Variants in NKAIN2 observed in about 807,000 individuals in gnomAD.
NKAIN2 encodes sodium/potassium transporting ATPase interacting 2, also known as sodium/potassium-transporting ATPase subunit beta-1-interacting protein 2.
A neutral mutation model predicts 32.6 loss-of-function variants in NKAIN2; 14 were observed. The observed-to-expected ratio is 0.43, with a 90% CI of 0.28 to 0.67. The LOEUF (loss-of-function observed/expected upper bound fraction) is 0.67, where lower values mean the gene tolerates loss of function less well. Among genes scored for constraint, NKAIN2 ranks in the 30% least tolerant of loss-of-function variants. NKAIN2 has a pLI of 0.17. For missense variants in NKAIN2, 198 were observed against 258.3 expected, an observed-to-expected ratio of 0.77 and a Z score of 1.60; for synonymous variants, 80 against 87.2, an observed-to-expected ratio of 0.92 and a Z score of 0.46.
At chr6:124,594,978 G>C (rs372234670) in intron 3 of NKAIN2, among the ~76,000 whole-genome samples, 1 of 152,324 alleles carries the variant, frequency 6.6e-6, no homozygotes, top group East Asian at 1.9e-4. Flanking sequence ...AGGGCTCAGT[G>C]AAGTGGGAGT....
chr6:124,481,040 A>G (rs1777425771), intron 3 of NKAIN2, among the ~76,000 whole-genome samples: 2 of 152,156 alleles, frequency 1.3e-5, no homozygotes, highest in Non-Finnish European at 1.5e-5. Flanking sequence ...TCAGATTCCT[A>G]AATTTCATGC....
chr6:124,343,495 G>A (rs1583082278), intron 2 of NKAIN2, among the ~76,000 whole-genome samples: 2 of 151,782 alleles, frequency 1.3e-5, no homozygotes, highest in African/African-American at 2.4e-5. Context: ...AGCACCTGTT[G>A]TTTCCTGACT....
At chr6:124,305,692 A>G (rs1423883524) in intron 2 of NKAIN2, among the ~76,000 whole-genome samples, 1 of 152,132 alleles carries the variant, frequency 6.6e-6, no homozygotes, top group Non-Finnish European at 1.5e-5. Context: ...GCTGATCTTG[A>G]TACTTCATTT....
intron 1 of NKAIN2, among the ~76,000 whole-genome samples, chr6:124,037,751 C>T (rs777553376): frequency 1.7e-4 from 26 of 152,062 alleles, no homozygotes; most frequent in Non-Finnish European, 3.7e-4. Flanking sequence ...TATCTGAAGG[C>T]TACAATAGCT....
At chr6:124,211,780 C>A (rs1054039021) in intron 1 of NKAIN2, among the ~76,000 whole-genome samples, 5 of 151,934 alleles carry the variant, frequency 3.3e-5, no homozygotes, top group Non-Finnish European at 7.4e-5. Context: ...ATTTTTTTGT[C>A]TGTACAGTGA....
intron 3 of NKAIN2, among the ~76,000 whole-genome samples, chr6:124,584,655 G>GAAAA (rs34014858): frequency 1.1e-5 from 1 of 87,218 alleles, no homozygotes; most frequent in Non-Finnish European, 2.3e-5. Flanking sequence ...CTCCATCTCA[G>GAAAA]AAAAAAAAAA....
At chr6:124,292,108 A>G (rs1038537973) in intron 2 of NKAIN2, among the ~76,000 whole-genome samples, 1 of 152,082 alleles carries the variant, frequency 6.6e-6, no homozygotes, top group Non-Finnish European at 1.5e-5. Context: ...ATTTATGAAA[A>G]ATCTCCTTGT....
chr6:124,027,104 C>T (rs767657810), intron 1 of NKAIN2, among the ~76,000 whole-genome samples: 10 of 151,228 alleles, frequency 6.6e-5, no homozygotes, highest in Admixed American at 4.0e-4. Flanking sequence ...TGTCCTTTGT[C>T]AATCACTATT....
chr6:124,773,092 G>A (rs1470859653), intron 4 of NKAIN2, among the ~76,000 whole-genome samples: 1 of 152,210 alleles, frequency 6.6e-6, no homozygotes, highest in Non-Finnish European at 1.5e-5. Context: ...TTTTAGTGGT[G>A]TTGGAACTTG....
intron 1 of NKAIN2, among the ~76,000 whole-genome samples, chr6:124,147,056 T>C (rs756004800): frequency 1.3e-5 from 2 of 152,186 alleles, no homozygotes; most frequent in African/African-American, 4.8e-5. Context: ...AAAAGTAACA[T>C]TGTCATCCAA....
chr6:124,190,257 G>A (rs1789950104), intron 1 of NKAIN2, among the ~76,000 whole-genome samples: 1 of 152,194 alleles, frequency 6.6e-6, no homozygotes, highest in Non-Finnish European at 1.5e-5. Flanking sequence ...AGATATTACA[G>A]GGTTATCCTG....
chr6:124,740,298 C>A (rs1347435416), intron 4 of NKAIN2, among the ~76,000 whole-genome samples: 1 of 151,592 alleles, frequency 6.6e-6, no homozygotes, highest in Non-Finnish European at 1.5e-5. Context: ...GTTTGTAGTT[C>A]CACAAATATT....
chr6:123,860,878 G>A (rs1775762168), intron 1 of NKAIN2, among the ~76,000 whole-genome samples: 1 of 152,086 alleles, frequency 6.6e-6, no homozygotes. Flanking sequence ...TTGCCCCTTT[G>A]AGAAAGCCTA....
chr6:123,915,203 A>G (rs1183369537), intron 1 of NKAIN2, among the ~76,000 whole-genome samples: 1 of 152,166 alleles, frequency 6.6e-6, no homozygotes, highest in African/African-American at 2.4e-5. Flanking sequence ...CAAATCCTTT[A>G]AAAACAGCTC....
At chr6:124,087,772 G>T (rs982743876) in intron 1 of NKAIN2, among the ~76,000 whole-genome samples, 1 of 151,978 alleles carries the variant, frequency 6.6e-6, no homozygotes, top group African/African-American at 2.4e-5. Context: ...TGCCTTGAAT[G>T]TCTTAAATTA....
intron 4 of NKAIN2, among the ~76,000 whole-genome samples, chr6:124,719,181 T>C (rs2114627149): frequency 6.6e-6 from 1 of 152,342 alleles, no homozygotes; most frequent in African/African-American, 2.4e-5. Flanking sequence ...AATTTCCATT[T>C]TGTGGTAAAA....
At chr6:124,712,061 G>C (rs1775502218) in intron 4 of NKAIN2, among the ~76,000 whole-genome samples, 1 of 151,796 alleles carries the variant, frequency 6.6e-6, no homozygotes, top group South Asian at 2.1e-4. Flanking sequence ...CTGCAGGTCT[G>C]TTGGAATACC....
At chr6:124,568,840 A>G (rs1343372405) in intron 3 of NKAIN2, among the ~76,000 whole-genome samples, 1 of 151,010 alleles carries the variant, frequency 6.6e-6, no homozygotes, top group Admixed American at 6.6e-5. Flanking sequence ...AAAAAAAAAA[A>G]AAAAAAGGAA....
intron 3 of NKAIN2, among the ~76,000 whole-genome samples, chr6:124,358,220 G>C (rs1338174555): frequency 6.6e-6 from 1 of 152,076 alleles, no homozygotes; most frequent in African/African-American, 2.4e-5. Context: ...ATTGTGAATA[G>C]TGCCGAAATA....
Sources: gnomAD v4.1 joint callset for allele counts (sites outside exome capture counted in the v4.1 genomes callset) on GRCh38, gnomAD v4.1.1 for gene constraint, MANE v1.5 for transcripts, NCBI Gene and HGNC (gene_info 2026-07-23, HGNC 2026-07-21) for gene names.